TMEM178B: variants seen among roughly 807,000 people sequenced by gnomAD.
The protein encoded by TMEM178B is transmembrane protein 178B.
TMEM178B carries 5 observed loss-of-function variants against 31.0 expected under a neutral mutation model. The observed-to-expected ratio is 0.16, with a 90% CI of 0.08 to 0.34. The LOEUF (loss-of-function observed/expected upper bound fraction) is 0.34. TMEM178B is among the 10% of genes least tolerant of loss of function. The pLI, the probability that TMEM178B is intolerant of heterozygous loss-of-function variation, is 1.00. For synonymous variants in TMEM178B, 164 were observed against 164.0 expected (o/e 1.00, Z 0.00); for missense variants, 275 against 400.3 (o/e 0.69, Z 2.67).
intron 1 of TMEM178B, among the ~76,000 whole-genome samples, chr7:141,105,931 C>G (rs1019034884): frequency 1.3e-5 from 2 of 151,880 alleles, no homozygotes; most frequent in Non-Finnish European, 2.9e-5. Flanking sequence ...CCTGTGTCTA[C>G]TAAAAATATA....
At chr7:141,092,767 G>A (rs1794900802) in intron 1 of TMEM178B, among the ~76,000 whole-genome samples, 1 of 152,178 alleles carries the variant, frequency 6.6e-6, no homozygotes, top group Non-Finnish European at 1.5e-5. Flanking sequence ...GCATGGAAAA[G>A]GGATAGGAAG....
intron 2 of TMEM178B, among the ~76,000 whole-genome samples, chr7:141,295,833 G>A (rs770366635): frequency 1.1e-4 from 17 of 152,134 alleles, no homozygotes; most frequent in Non-Finnish European, 1.9e-4. Flanking sequence ...CAGAAGAGAG[G>A]TGAACCTTTG....
intron 2 of TMEM178B, among the ~76,000 whole-genome samples, chr7:141,347,029 T>C (rs767694389): frequency 8.5e-5 from 13 of 152,120 alleles, no homozygotes; most frequent in Non-Finnish European, 1.6e-4. Context: ...CCTTGCTCTC[T>C]CTCTCCTGCC....
the TMEM178B span, among the ~76,000 whole-genome samples, chr7:141,497,485 G>A: frequency 6.6e-6 from 1 of 152,212 alleles, no homozygotes; most frequent in African/African-American, 2.4e-5. Context: ...GTGACAAACT[G>A]AGCATCATAT....
intron 1 of TMEM178B, among the ~76,000 whole-genome samples, chr7:141,161,844 A>C (rs1796178188): frequency 6.6e-6 from 1 of 151,864 alleles, no homozygotes; most frequent in Non-Finnish European, 1.5e-5. Context: ...TGAGAGAAGC[A>C]GAGTGTGTGG....
At chr7:141,087,593 C>T (rs1406054586) in intron 1 of TMEM178B, among the ~76,000 whole-genome samples, 12 of 152,014 alleles carry the variant, frequency 7.9e-5, no homozygotes, top group Non-Finnish European at 1.5e-5. Context: ...GCATTTTAAC[C>T]CCAGGGAAGA....
At chr7:141,372,646 GA>G (rs1046971573) in intron 2 of TMEM178B, among the ~76,000 whole-genome samples, 1 of 152,208 alleles carries the variant, frequency 6.6e-6, no homozygotes, top group African/African-American at 2.4e-5. Flanking sequence ...GGACACAAGA[GA>G]AGTTGCTGGA....
At position 141,314,723 on chromosome 7, in the gene TMEM178B, T is replaced by A. The variant is rs191724320; in HGVS notation, c.496+102019T>A. 2.4e-4 allele frequency among the ~76,000 whole-genome samples: 36 copies of A among 152,324 alleles called. No homozygotes were observed. The East Asian group carries it at 6.8e-3, about 29-fold the overall frequency. On this transcript the variant is annotated intron_variant, in intron 2 of 3. Transcript: ENST00000565468. ...TCTCTTCTACCTTTATGACTGCTCC[T>A]TCTCTGTCCATCAATGGCTCTTGTG...
At chr7:141,256,944 A>T (rs921081506) in intron 2 of TMEM178B, among the ~76,000 whole-genome samples, 1 of 152,182 alleles carries the variant, frequency 6.6e-6, no homozygotes, top group Non-Finnish European at 1.5e-5. Context: ...CAATATTTGT[A>T]TCTGGAGTTG....
chr7:141,117,773 T>C (rs912728370), intron 1 of TMEM178B, among the ~76,000 whole-genome samples: 5 of 152,226 alleles, frequency 3.3e-5, no homozygotes, highest in African/African-American at 1.2e-4. Flanking sequence ...GGGAATCCTT[T>C]CTCCATTGCT....
At chr7:141,167,689 T>C (rs1796284597) in intron 1 of TMEM178B, among the ~76,000 whole-genome samples, 1 of 152,202 alleles carries the variant, frequency 6.6e-6, no homozygotes, top group Admixed American at 6.5e-5. Context: ...CTCAAATGCA[T>C]AATTAGTGAA....
At chr7:141,400,201 G>A (rs1800734699) in intron 2 of TMEM178B, among the ~76,000 whole-genome samples, 1 of 152,110 alleles carries the variant, frequency 6.6e-6, no homozygotes, top group African/African-American at 2.4e-5. Flanking sequence ...GCTTAGCAGA[G>A]GTCTCTGCTC....
At chr7:141,241,907 C>CT (rs573343264) in intron 2 of TMEM178B, among the ~76,000 whole-genome samples, 10 of 151,006 alleles carry the variant, frequency 6.6e-5, no homozygotes, top group Non-Finnish European at 1.3e-4. Flanking sequence ...ATCGAGAGAT[C>CT]TTTTTTTTTG....
At chr7:141,164,579 C>G (rs560619733) in intron 1 of TMEM178B, among the ~76,000 whole-genome samples, 11 of 152,194 alleles carry the variant, frequency 7.2e-5, no homozygotes, top group African/African-American at 2.2e-4. Context: ...AATTTAAGAC[C>G]AAGTCCAAGG....
chr7:141,502,573 C>T, the TMEM178B span, among the ~76,000 whole-genome samples: 1 of 152,160 alleles, frequency 6.6e-6, no homozygotes, highest in African/African-American at 2.4e-5. Flanking sequence ...GAGTTCGAGA[C>T]CAGCCTGACC....
intron 2 of TMEM178B, among the ~76,000 whole-genome samples, chr7:141,266,663 G>A (rs111477704): frequency 0.018 from 2,708 of 152,282 alleles, 79 homozygotes; most frequent in African/African-American, 0.062. Flanking sequence ...CAGCTTCTCT[G>A]CGAGCCATTG....
intron 2 of TMEM178B, among the ~76,000 whole-genome samples, chr7:141,396,844 C>G (rs907393721): frequency 1.3e-5 from 2 of 152,136 alleles, no homozygotes; most frequent in African/African-American, 4.8e-5. Flanking sequence ...AAACACACTT[C>G]AACAGTCGCT....
intron 1 of TMEM178B, among the ~76,000 whole-genome samples, chr7:141,172,242 T>A (rs1796361605): frequency 1.3e-5 from 2 of 152,126 alleles, no homozygotes; most frequent in African/African-American, 4.8e-5. Context: ...GTATTGAGAG[T>A]CTGCCAGATG....
chr7:141,267,967 C>T (rs1000075547), intron 2 of TMEM178B, among the ~76,000 whole-genome samples: 3 of 152,214 alleles, frequency 2.0e-5, no homozygotes, highest in Non-Finnish European at 2.9e-5. Flanking sequence ...TAAAGAGGCA[C>T]GAGCCTGATT....
Sources: gnomAD v4.1 joint callset for allele counts (sites outside exome capture counted in the v4.1 genomes callset) on GRCh38, gnomAD v4.1.1 for gene constraint, MANE v1.5 for transcripts, NCBI Gene and HGNC (gene_info 2026-07-23, HGNC 2026-07-21) for gene names.